The following COL26A1 variants were observed in gnomAD, a reference collection of about 807,000 sequenced individuals.
COL26A1 encodes the protein collagen type XXVI alpha 1 chain.
A neutral mutation model predicts 59.3 loss-of-function variants in COL26A1; 41 were observed. The ratio of observed to expected loss-of-function variants is 0.69; its 90% CI spans 0.54 to 0.90. The LOEUF (loss-of-function observed/expected upper bound fraction) is 0.90. Among genes scored for constraint, COL26A1 ranks in the 40% least tolerant of loss-of-function variants. The probability of loss-of-function intolerance (pLI) is 0.00; values close to 1 mark genes in which losing one functional copy is unlikely to be tolerated. For missense variants in COL26A1, 612 were observed against 602.3 expected, an observed-to-expected ratio of 1.02 and a Z score of -0.17; for synonymous variants, 266 against 256.0, an observed-to-expected ratio of 1.04 and a Z score of -0.37.
Position 101,363,173 on chromosome 7 carries a change from C to T in COL26A1, c.141C>T (p.Ser47=), listed in dbSNP as rs746661032. The change falls in exon 1 of 13, where the codon AGC becomes AGT. Residue 47 remains serine, a synonymous_variant. Coordinates refer to ENST00000313669, the MANE Select transcript of COL26A1 (RefSeq NM_001278563.3). ...AGCCCGGCGCCGGCTCCCCTGGCAG[C>T]GGCTACGCGAGCCGCCGGTGAGTAG... ...YPEPGAGSPG[S]GYASRRHWCH... is the part of the protein sequence containing the mutation. The T allele has an allele frequency of 2.5e-5, 36 of 1,433,798 alleles. No individual in the cohort carries two copies. In the South Asian group the frequency reaches 4.3e-4, roughly 17 times the overall value. 88.8% of individuals were successfully genotyped at this position (1,433,798 alleles called of 1,614,324 possible). A position where few individuals can be genotyped will look rare whatever the true frequency, so the allele number is the denominator to read the frequency against.
rs111556828 is a variant in COL26A1, at chr7:101,501,217, G to GA, written c.386-31849dup. 3.7e-3 allele frequency among the ~76,000 whole-genome samples: 419 copies of GA among 113,028 alleles called. 3 individuals are homozygous for GA. The highest frequency in any genetic ancestry group is 0.02 in the Admixed American group (208 of 10,542). The allele number at this position is 113,028 out of a possible 152,430, so 74.2% of individuals were successfully genotyped here. On this transcript the variant is annotated intron_variant, in intron 3 of 12. Transcript: ENST00000313669. The stretch of plus-strand genomic sequence containing the variant: ...AAAAAAAAAAGAAAAGAAAAGAAAA[G>GA]AAAAAAAAAAAAAAAAGAAATGCTT...
chr7:101,544,298 G>C (rs1382371251), intron 6 of COL26A1, among the ~76,000 whole-genome samples: 1 of 152,108 alleles, frequency 6.6e-6, no homozygotes, highest in Non-Finnish European at 1.5e-5. Flanking sequence ...TGCCATCTCG[G>C]CTCATTGCCA....
At chr7:101,469,782 G>A (rs765329816) in intron 3 of COL26A1, among the ~76,000 whole-genome samples, 10 of 151,884 alleles carry the variant, frequency 6.6e-5, no homozygotes, top group Non-Finnish European at 8.8e-5. Context: ...GAACCACCGC[G>A]CCCAGCTGGT....
intron 3 of COL26A1, among the ~76,000 whole-genome samples, chr7:101,521,192 T>A (rs2130610507): frequency 6.6e-6 from 1 of 152,224 alleles, no homozygotes; most frequent in Middle Eastern, 3.4e-3. Context: ...TCCTTCACTA[T>A]CACAAAAACA....
At chr7:101,435,388 C>A (rs1269245897) in intron 2 of COL26A1, among the ~76,000 whole-genome samples, 1 of 152,180 alleles carries the variant, frequency 6.6e-6, no homozygotes, top group Non-Finnish European at 1.5e-5. Flanking sequence ...GAGGCAGACA[C>A]CCTGGGCCAA....
In COL26A1 at chr7:101,545,380, TG is replaced by T. The variant is rs754046076; in HGVS notation, c.750del (p.Arg251AlafsTer98). On this transcript the variant is annotated frameshift_variant, in exon 7 of 13. Transcript: ENST00000313669. LOFTEE classifies it high-confidence loss of function. ...PPGPRGLPGE[M>X]GRPGPPGPPG... The stretch of plus-strand genomic sequence containing the variant: ...GGGCCCCGTGGGCTTCCTGGAGAGA[TG>T]GGGCGCCCCGGCCCCCCAGGACCAC... The T allele has an allele frequency of 1.9e-6, 3 of 1,588,004 alleles. No homozygotes were observed. Among genetic ancestry groups the T allele is most frequent in the Non-Finnish European group, 2.6e-6 (3 of 1,171,066 alleles).
intron 3 of COL26A1, among the ~76,000 whole-genome samples, chr7:101,484,503 T>A (rs889623083): frequency 1.3e-5 from 2 of 151,994 alleles, no homozygotes; most frequent in Non-Finnish European, 2.9e-5. Flanking sequence ...CCTGAGTTGC[T>A]GGGATTACAG....
At chr7:101,476,373 A>C (rs575304774) in intron 3 of COL26A1, among the ~76,000 whole-genome samples, 13 of 152,170 alleles carry the variant, frequency 8.5e-5, no homozygotes, top group Non-Finnish European at 1.8e-4. Context: ...GTAGTTATAG[A>C]TCTAATTGGT....
chr7:101,368,018 TGAA>T (rs1345452342), intron 1 of COL26A1, among the ~76,000 whole-genome samples: 3 of 152,224 alleles, frequency 2.0e-5, no homozygotes, highest in African/African-American at 7.2e-5. Flanking sequence ...ATTTATTTGT[TGAA>T]GAAACTTGGC....
intron 3 of COL26A1, among the ~76,000 whole-genome samples, chr7:101,489,854 CT>C (rs1563008308): frequency 8.9e-5 from 3 of 33,870 alleles, no homozygotes; most frequent in South Asian, 1.3e-3. Context: ...TTCTTTCTTT[CT>C]TTCTTTCTTT....
intron 1 of COL26A1, among the ~76,000 whole-genome samples, chr7:101,403,735 C>G (rs558338732): frequency 1.3e-5 from 2 of 152,218 alleles, no homozygotes; most frequent in South Asian, 4.2e-4. Flanking sequence ...TTTAAAACAG[C>G]TTTTATGAGA....
chr7:101,391,854 C>CTTTTCTTTTCTTTTCTTTTCT (rs1554404564), intron 1 of COL26A1, among the ~76,000 whole-genome samples: 1 of 149,238 alleles, frequency 6.7e-6, no homozygotes, highest in South Asian at 2.1e-4. Context: ...CATGCCAAGC[C>CTTTTCTTTTCTTTTCTTTTCT]TTTCTTTTCT....
At chr7:101,418,819 C>G (rs1365301513) in intron 1 of COL26A1, among the ~76,000 whole-genome samples, 2 of 152,102 alleles carry the variant, frequency 1.3e-5, no homozygotes, top group Non-Finnish European at 2.9e-5. Flanking sequence ...GCACCTTAAC[C>G]TGATCCCGTA....
intron 1 of COL26A1, among the ~76,000 whole-genome samples, chr7:101,408,359 C>T (rs987407363): frequency 6.6e-6 from 1 of 152,198 alleles, no homozygotes; most frequent in Non-Finnish European, 1.5e-5. Context: ...AGGGATATGT[C>T]CAGGCTTTTC....
chr7:101,446,995 G>C (rs1287454138), intron 2 of COL26A1, among the ~76,000 whole-genome samples: 1 of 152,122 alleles, frequency 6.6e-6, no homozygotes, highest in Non-Finnish European at 1.5e-5. Flanking sequence ...TAGAGGCTCG[G>C]AAGTTGGGGA....
intron 3 of COL26A1, among the ~76,000 whole-genome samples, chr7:101,473,996 T>C (rs1264101133): frequency 1.3e-5 from 2 of 152,214 alleles, no homozygotes; most frequent in African/African-American, 4.8e-5. Flanking sequence ...GAGAGGCTGC[T>C]TGAATGTGTC....
At chr7:101,515,335 G>A (rs1242389557) in intron 3 of COL26A1, among the ~76,000 whole-genome samples, 1 of 151,920 alleles carries the variant, frequency 6.6e-6, no homozygotes, top group African/African-American at 2.4e-5. Context: ...TGCCCAGGCT[G>A]GAGTGCAGTG....
Position 101,455,503 on chromosome 7 carries a change from C to CTTTTT in COL26A1, c.385+7729_385+7733dup, listed in dbSNP as rs10690062. ...CTGTTTGGTAAGTTTCTTTTCTTTT[C>CTTTTT]TTTTTTTTTTTTTTTTTGAGACTGA... On this transcript the variant is annotated intron_variant, in intron 3 of 12. Coordinates refer to ENST00000313669, the MANE Select transcript of COL26A1 (RefSeq NM_001278563.3). Among the ~76,000 whole-genome samples the CTTTTT allele has an allele frequency of 9.1e-3, 1,064 of 116,482 alleles. 44 individuals carry two copies. Among genetic ancestry groups the CTTTTT allele is most frequent in the African/African-American group, 0.033 (957 of 29,208 alleles). The allele number at this position is 116,482 out of a possible 152,430, so 76.4% of individuals were successfully genotyped here. A position where few individuals can be genotyped will look rare whatever the true frequency, so the allele number is the denominator to read the frequency against.
At chr7:101,430,508 C>G (rs1792753980) in intron 2 of COL26A1, among the ~76,000 whole-genome samples, 1 of 151,428 alleles carries the variant, frequency 6.6e-6, no homozygotes, top group South Asian at 2.1e-4. Flanking sequence ...TCAGGCTGGT[C>G]TTGAACTCTT....
Sources: gnomAD v4.1 joint callset for allele counts (sites outside exome capture counted in the v4.1 genomes callset) on GRCh38, gnomAD v4.1.1 for gene constraint, MANE v1.5 for transcripts, NCBI Gene and HGNC (gene_info 2026-07-23, HGNC 2026-07-21) for gene names.